The following DPYD variants were observed in gnomAD, a reference collection of about 807,000 sequenced individuals.
The protein encoded by DPYD is dihydropyrimidine dehydrogenase [NADP(+)].
DPYD carries 109 observed loss-of-function variants against 116.2 expected under a neutral mutation model. The observed-to-expected ratio is 0.94, with a 90% CI of 0.80 to 1.10. The LOEUF (loss-of-function observed/expected upper bound fraction) is 1.10, where lower values mean the gene tolerates loss of function less well. Ranked by LOEUF, DPYD falls within the 50% of genes least tolerant of loss-of-function variation. DPYD has a pLI of 0.00. For synonymous variants in DPYD, 440 were observed against 432.0 expected, an observed-to-expected ratio of 1.02 and a Z score of -0.23; for missense variants, 1,302 against 1,254.5, an observed-to-expected ratio of 1.04 and a Z score of -0.57.
intron 14 of DPYD, among the ~76,000 whole-genome samples, chr1:97,448,157 C>T (rs1676192470): frequency 6.6e-6 from 1 of 152,042 alleles, no homozygotes; most frequent in Admixed American, 6.6e-5. Context: ...CTGGAGGCTG[C>T]AGCGAGCCAT....
intron 2 of DPYD, among the ~76,000 whole-genome samples, chr1:97,834,855 G>A (rs1490940408): frequency 6.6e-6 from 1 of 151,612 alleles, no homozygotes; most frequent in South Asian, 2.1e-4. Flanking sequence ...CTCAAAACTA[G>A]CCCTGCTGAA....
intron 2 of DPYD, among the ~76,000 whole-genome samples, chr1:97,859,651 C>T (rs905080767): frequency 6.6e-6 from 1 of 152,122 alleles, no homozygotes; most frequent in Non-Finnish European, 1.5e-5. Context: ...GAACATGGTG[C>T]TATCACTACT....
chr1:97,913,041 GT>G (rs1171434669), intron 1 of DPYD, among the ~76,000 whole-genome samples: 2 of 152,022 alleles, frequency 1.3e-5, no homozygotes, highest in East Asian at 3.9e-4. Context: ...CGAATCTCTG[GT>G]CTTAATTTCT....
intron 19 of DPYD, among the ~76,000 whole-genome samples, chr1:97,209,920 A>T (rs2101868322): frequency 6.6e-6 from 1 of 152,294 alleles, no homozygotes; most frequent in Middle Eastern, 3.4e-3. Context: ...GCATGCCTAC[A>T]TCTTTAATTC....
chr1:97,511,020 A>T (rs892307120), intron 13 of DPYD, among the ~76,000 whole-genome samples: 3 of 151,938 alleles, frequency 2.0e-5, no homozygotes, highest in African/African-American at 7.2e-5. Context: ...CAGACACATT[A>T]GTGGAACATC....
intron 8 of DPYD, among the ~76,000 whole-genome samples, chr1:97,647,673 G>C (rs1658347305): frequency 6.6e-6 from 1 of 151,738 alleles, no homozygotes; most frequent in African/African-American, 2.4e-5. Context: ...TTACTGACTT[G>C]TTATCAAACC....
intron 1 of DPYD, among the ~76,000 whole-genome samples, chr1:97,887,469 T>TAAAAAAAAAAAAAAAAAAAAAAAA (rs57316508): frequency 1.3e-4 from 6 of 47,140 alleles, no homozygotes; most frequent in Non-Finnish European, 2.3e-4. Flanking sequence ...GACTCTGCAT[T>TAAAAAAAAAAAAAAAAAAAAAAAA]AAAAAAAAAA....
rs186420160 is a variant in DPYD, at chr1:97,532,046, A to G, written c.1525-16105T>C. Among the ~76,000 whole-genome samples, 213 of 152,140 alleles carry G rather than the reference A, an allele frequency of 1.4e-3. 1 individual carries two copies. The highest frequency in any genetic ancestry group is 1.7e-3 in the Non-Finnish European group (116 of 67,928). Reference sequence around the variant, plus strand: ...GTGCAGTTTTCAGGGTTTTGTATGTATAAGATCATGTCCTCTGCAAATAGT... The same window carrying G: ...GTGCAGTTTTCAGGGTTTTGTATGTGTAAGATCATGTCCTCTGCAAATAGT... On this transcript the variant is annotated intron_variant, in intron 12 of 22. Coordinates refer to ENST00000370192, the MANE Select transcript of DPYD (RefSeq NM_000110.4).
At chr1:97,514,114 T>G in intron 13 of DPYD, 1 of 795,600 alleles carries the variant, frequency 1.3e-6, no homozygotes, top group East Asian at 1.3e-4. Context: ...TGAACCAGCA[T>G]CACACACTTC....
At chr1:97,488,422 C>T (rs1466288066) in intron 13 of DPYD, among the ~76,000 whole-genome samples, 2 of 152,112 alleles carry the variant, frequency 1.3e-5, no homozygotes, top group African/African-American at 2.4e-5. Context: ...TATATACACA[C>T]ACATACACAA....
chr1:97,902,569 GT>G (rs1046023608), intron 1 of DPYD, among the ~76,000 whole-genome samples: 10 of 151,730 alleles, frequency 6.6e-5, no homozygotes, highest in African/African-American at 2.4e-4. Flanking sequence ...CCATTGAAAT[GT>G]TATTCATCTC....
intron 20 of DPYD, among the ~76,000 whole-genome samples, chr1:97,147,232 G>C (rs1193315776): frequency 6.6e-6 from 1 of 152,164 alleles, no homozygotes; most frequent in East Asian, 1.9e-4. Context: ...CGTAGTCCCA[G>C]CTACTCAGGA....
intron 12 of DPYD, among the ~76,000 whole-genome samples, chr1:97,534,216 A>C (rs1459925288): frequency 1.3e-5 from 2 of 152,206 alleles, no homozygotes; most frequent in African/African-American, 2.4e-5. Context: ...TGAAGGCTAC[A>C]TTCTCACAGG....
chr1:97,299,566 G>T (rs753011251), intron 18 of DPYD, among the ~76,000 whole-genome samples: 1 of 152,240 alleles, frequency 6.6e-6, no homozygotes, highest in East Asian at 1.9e-4. Context: ...TGTAGACCTT[G>T]ATCTATGCTT....
intron 13 of DPYD, among the ~76,000 whole-genome samples, chr1:97,488,439 A>G (rs971042708): frequency 1.3e-5 from 2 of 152,186 alleles, no homozygotes; most frequent in Non-Finnish European, 2.9e-5. Context: ...ACAAAGGAAT[A>G]AAAGTAAAAC....
In DPYD at chr1:97,691,777, G is replaced by C; in HGVS notation, c.702C>G (p.Phe234Leu). The C allele has an allele frequency of 6.2e-7, 1 of 1,613,518 alleles. No individual in the cohort carries two copies. The highest frequency in any genetic ancestry group is 8.5e-7 in the Non-Finnish European group (1 of 1,179,724). The change falls in exon 7 of 23, where the codon TTC (phenylalanine) becomes TTG (leucine). Residue 234 changes from phenylalanine (F) to leucine (L), a missense_variant. By Grantham distance (22) the Phe-to-Leu change is conservative. Transcript: ENST00000370192. ...GGLSTSEIPQ[F>L]RLPYDVVNFE... The stretch of plus-strand genomic sequence containing the variant: ...AATTCACTACATCATACGGCAGCCG[G>C]AACTGAGGAATTTCAGAAGTACTGA...
intron 12 of DPYD, among the ~76,000 whole-genome samples, chr1:97,527,324 G>A (rs575648399): frequency 2.5e-4 from 38 of 152,118 alleles, no homozygotes; most frequent in South Asian, 6.2e-4. Context: ...TGATCTGCCT[G>A]CCTTGGCCTC....
intron 3 of DPYD, among the ~76,000 whole-genome samples, chr1:97,772,623 G>A (rs1666202792): frequency 2.0e-5 from 3 of 152,140 alleles, no homozygotes; most frequent in South Asian, 4.1e-4. Context: ...AAGAATTTAA[G>A]TAGAATGATA....
intron 18 of DPYD, among the ~76,000 whole-genome samples, chr1:97,292,585 A>G (rs1358251507): frequency 6.6e-6 from 1 of 152,230 alleles, no homozygotes. Context: ...GGGTGGGGAC[A>G]TGGCCAAACC....
Sources: allele counts gnomAD v4.1 joint callset (sites outside exome capture counted in the v4.1 genomes callset), GRCh38; gene constraint gnomAD v4.1.1; transcripts MANE v1.5; gene names NCBI Gene and HGNC (gene_info 2026-07-23, HGNC 2026-07-21).